Variants in KCNIP4 observed in about 807,000 individuals in gnomAD.
KCNIP4 encodes the protein Kv channel-interacting protein 4.
In KCNIP4, 12 loss-of-function variants were observed where a neutral mutation model predicts 34.0. The ratio of observed to expected loss-of-function variants is 0.35; its 90% CI spans 0.23 to 0.57. The LOEUF is 0.57. Among genes scored for constraint, KCNIP4 ranks in the 20% least tolerant of loss-of-function variants. The pLI, the probability that KCNIP4 is intolerant of heterozygous loss-of-function variation, is 0.83. For missense variants in KCNIP4, 238 were observed against 311.7 expected (o/e 0.76, Z 1.78); for synonymous variants, 124 against 102.2 (o/e 1.21, Z -1.29).
At chr4:21,579,827 T>C (rs1013937097) in intron 1 of KCNIP4, among the ~76,000 whole-genome samples, 7 of 152,162 alleles carry the variant, frequency 4.6e-5, no homozygotes, top group African/African-American at 1.7e-4. Flanking sequence ...TTATCCTGAC[T>C]CATGTAGCAG....
chr4:20,863,788 A>G (rs1722462487), intron 2 of KCNIP4, among the ~76,000 whole-genome samples: 1 of 152,108 alleles, frequency 6.6e-6, no homozygotes, highest in Admixed American at 6.6e-5. Context: ...TAATCTGTAC[A>G]ACAAACCTCT....
rs933336053 is a variant in KCNIP4, at chr4:21,073,848, G to C, written c.62-191139C>G. 2.6e-5 allele frequency among the ~76,000 whole-genome samples: 4 copies of C among 152,050 alleles called. No homozygotes were observed. The East Asian group carries it at 5.8e-4, about 22-fold the overall frequency. Reference sequence around the variant, plus strand: ...TTTATTGAGAGTTTTTAGCATGAAGGGCTGTTGAATTTTGTCAAAGGCCTT... The same window carrying C: ...TTTATTGAGAGTTTTTAGCATGAAGCGCTGTTGAATTTTGTCAAAGGCCTT... On this transcript the variant is annotated intron_variant, in intron 1 of 8. Transcript: ENST00000382152.
At chr4:21,703,309 C>A (rs1267020298) in intron 1 of KCNIP4, among the ~76,000 whole-genome samples, 1 of 152,056 alleles carries the variant, frequency 6.6e-6, no homozygotes, top group East Asian at 1.9e-4. Flanking sequence ...TAAATAAAAT[C>A]TTTCCATTTG....
intron 1 of KCNIP4, among the ~76,000 whole-genome samples, chr4:21,712,081 T>C (rs1428070593): frequency 3.9e-5 from 6 of 152,180 alleles, no homozygotes. Context: ...TTCTCAATTT[T>C]CTACTATGGG....
intron 1 of KCNIP4, among the ~76,000 whole-genome samples, chr4:21,131,885 CA>C (rs1396447730): frequency 2.0e-5 from 3 of 152,152 alleles, no homozygotes; most frequent in Non-Finnish European, 4.4e-5. Flanking sequence ...ACCTTAGAAA[CA>C]CTTGGTTAAT....
intron 1 of KCNIP4, among the ~76,000 whole-genome samples, chr4:21,078,098 G>A (rs1299991664): frequency 6.6e-6 from 1 of 152,000 alleles, no homozygotes; most frequent in Non-Finnish European, 1.5e-5. Context: ...GATGACATAA[G>A]GACACCACTG....
chr4:21,134,592 AG>A (rs1254772920), intron 1 of KCNIP4, among the ~76,000 whole-genome samples: 1 of 152,188 alleles, frequency 6.6e-6, no homozygotes, highest in Non-Finnish European at 1.5e-5. Flanking sequence ...TACATCACTA[AG>A]GGGATTTGAA....
chr4:21,212,514 G>A (rs771989020), intron 1 of KCNIP4, among the ~76,000 whole-genome samples: 13 of 152,110 alleles, frequency 8.5e-5, no homozygotes, highest in Admixed American at 7.2e-4. Flanking sequence ...ATTGTTTCAC[G>A]GTTGTCTTCA....
At chr4:21,824,807 G>A (rs1007468928) in intron 1 of KCNIP4, among the ~76,000 whole-genome samples, 1 of 152,118 alleles carries the variant, frequency 6.6e-6, no homozygotes, top group African/African-American at 2.4e-5. Flanking sequence ...TACACCAGAT[G>A]CTAGAGACAC....
At chr4:21,427,012 C>A (rs1265096212) in intron 1 of KCNIP4, among the ~76,000 whole-genome samples, 1 of 151,910 alleles carries the variant, frequency 6.6e-6, no homozygotes, top group Non-Finnish European at 1.5e-5. Flanking sequence ...CACCCCAACT[C>A]AGTCTCAGGG....
Position 21,453,397 on chromosome 4 carries a change from A to G in KCNIP4, c.61+495174T>C, listed in dbSNP as rs546129341. ...CCAGCAATCTTAAAATATGGGTTTT[A>G]TTTACCTCATATTACAGGTGAGGAA... On this transcript the variant is annotated intron_variant, in intron 1 of 8. Transcript: ENST00000382152. Among the ~76,000 whole-genome samples the G allele has an allele frequency of 4.6e-5, 7 of 152,184 alleles. No homozygotes were observed. The South Asian group carries it at 1.5e-3, about 32-fold the overall frequency.
rs1739349425 is a variant in KCNIP4, at chr4:21,559,511, G to GC, written c.61+389059_61+389060insG. Among the ~76,000 whole-genome samples the GC allele has an allele frequency of 4.6e-5, 7 of 152,184 alleles. No homozygotes were observed. In the South Asian group the frequency reaches 1.5e-3, roughly 32 times the overall value. Reference sequence around the variant, plus strand: ...TAATTGATGGCATCTGTCCCTTAAGGAGTTCGGAGTATACAGAAGGACACA... The same window carrying GC: ...TAATTGATGGCATCTGTCCCTTAAGGCAGTTCGGAGTATACAGAAGGACACA... On this transcript the variant is annotated intron_variant, in intron 1 of 8. Transcript: ENST00000382152.
chr4:20,758,798 A>C (rs1241374762), intron 4 of KCNIP4, 23 bp downstream of exon 4: 1 of 1,583,758 alleles, frequency 6.3e-7, no homozygotes, highest in South Asian at 1.1e-5. Context: ...ATAGTATGTT[A>C]ACAAGTCCAC....
At chr4:20,771,648 T>C (rs976747538) in intron 3 of KCNIP4, among the ~76,000 whole-genome samples, 3 of 151,820 alleles carry the variant, frequency 2.0e-5, no homozygotes, top group African/African-American at 7.3e-5. Flanking sequence ...TGAGAAAGCA[T>C]AGGAATTGGG....
At chr4:20,983,783 C>G (rs1736322086) in intron 1 of KCNIP4, 2 of 1,523,812 alleles carry the variant, frequency 1.3e-6, no homozygotes, top group Non-Finnish European at 1.8e-6. Flanking sequence ...CCAGACCTGC[C>G]CAACAGCACA....
At chr4:21,627,819 C>G (rs559463009) in intron 1 of KCNIP4, among the ~76,000 whole-genome samples, 2 of 152,070 alleles carry the variant, frequency 1.3e-5, no homozygotes, top group Non-Finnish European at 2.9e-5. Flanking sequence ...TAATAAGTGT[C>G]GGTCATTAAT....
chr4:21,022,070 T>G (rs1039960127), intron 1 of KCNIP4, among the ~76,000 whole-genome samples: 2 of 152,088 alleles, frequency 1.3e-5, no homozygotes, highest in African/African-American at 4.8e-5. Flanking sequence ...GGCTACAATT[T>G]CATATGTGAT....
At chr4:21,706,713 C>A (rs998773538) in intron 1 of KCNIP4, among the ~76,000 whole-genome samples, 3 of 152,118 alleles carry the variant, frequency 2.0e-5, no homozygotes, top group African/African-American at 7.2e-5. Flanking sequence ...GTGGAGTTTT[C>A]TCTCAAAGAC....
intron 1 of KCNIP4, among the ~76,000 whole-genome samples, chr4:20,938,310 T>G (rs1731289355): frequency 6.6e-6 from 1 of 151,958 alleles, no homozygotes; most frequent in South Asian, 2.1e-4. Context: ...CACAAGAGCT[T>G]TTGGTATTGG....
Sources: allele counts gnomAD v4.1 joint callset (sites outside exome capture counted in the v4.1 genomes callset), GRCh38; gene constraint gnomAD v4.1.1; transcripts MANE v1.5; gene names NCBI Gene and HGNC (gene_info 2026-07-23, HGNC 2026-07-21).